FAM13B: variants seen among roughly 807,000 people sequenced by gnomAD.
FAM13B encodes the protein protein FAM13B.
Under a neutral mutation model 117.3 loss-of-function variants are expected in FAM13B, and 60 were observed. The ratio of observed to expected loss-of-function variants is 0.51; its 90% CI spans 0.42 to 0.63. FAM13B has a LOEUF of 0.63. Ranked by LOEUF, FAM13B falls within the 30% of genes least tolerant of loss-of-function variation. The pLI is 0.00. For missense variants in FAM13B, 972 were observed against 1,091.9 expected, an observed-to-expected ratio of 0.89 and a Z score of 1.55; for synonymous variants, 332 against 356.1, an observed-to-expected ratio of 0.93 and a Z score of 0.76.
chr5:138,025,314 T>TATATATATATATA (rs1491130029), intron 1 of FAM13B, among the ~76,000 whole-genome samples: 1 of 79,746 alleles, frequency 1.3e-5, no homozygotes, highest in Non-Finnish European at 3.0e-5. Context: ...TATATATGTA[T>TATATATATATATA]TTTTTTTTTT....
chr5:137,998,213 A>C (rs1168019170), intron 7 of FAM13B, among the ~76,000 whole-genome samples: 1 of 152,232 alleles, frequency 6.6e-6, no homozygotes, highest in East Asian at 1.9e-4. Context: ...TAAAGTTTTC[A>C]ACAATGATGA....
Position 137,987,468 on chromosome 5 carries a change from TA to T in FAM13B, c.1038del (p.Asn347IlefsTer29). ...CAGTAAAATGTTTCTTACTGGTTAT[TA>T]GATCCTTCCCCATCACAATGAATAC... ...AESIHCDGEGSNNQIDIADDI... is the reference protein window; with the variant it reads ...AESIHCDGEGXNNQIDIADDI... On this transcript the variant is annotated frameshift_variant, in exon 9 of 24. Transcript: ENST00000689681. LOFTEE classifies it high-confidence loss of function. 6.2e-7 allele frequency: 1 copy of T among 1,609,358 alleles called. No homozygotes were observed. The highest frequency in any genetic ancestry group is 8.5e-7 in the Non-Finnish European group (1 of 1,178,168).
At chr5:138,025,057 A>T (rs1787918417) in intron 1 of FAM13B, among the ~76,000 whole-genome samples, 1 of 151,602 alleles carries the variant, frequency 6.6e-6, no homozygotes, top group African/African-American at 2.4e-5. Flanking sequence ...ATTTTTTGGT[A>T]GAGATGGAGT....
upstream of FAM13B, chr5:138,033,837 A>G (rs1561554598): frequency 6.6e-6 from 1 of 152,188 alleles, no homozygotes; most frequent in East Asian, 1.9e-4. Context: ...GAGATCTTCC[A>G]TTTGGACTCC....
Position 137,962,424 on chromosome 5 carries a change from C to T in FAM13B, c.1225G>A (p.Glu409Lys). The T allele has an allele frequency of 1.2e-6, 2 of 1,613,762 alleles. No individual in the cohort carries two copies. Among genetic ancestry groups the T allele is most frequent in the Non-Finnish European group, 1.7e-6 (2 of 1,179,804 alleles). Reference sequence around the variant, plus strand: ...GCTTACCTCTCAAGACAGCCATCTTCACTATCACCACGGTCACTGCATGGC... The same window carrying T: ...GCTTACCTCTCAAGACAGCCATCTTTACTATCACCACGGTCACTGCATGGC... The part of the protein sequence containing the change: ...LEPCSDRGDS[E>K]DGCLEREEYL... Residue 409 changes from glutamate to lysine, a missense_variant, in exon 11 of 24, where the codon GAA becomes AAA. By Grantham distance (56) the Glu-to-Lys change is moderately conservative. Coordinates refer to ENST00000689681, the MANE Select transcript of FAM13B (RefSeq NM_001385994.1).
chr5:137,972,536 T>C (rs1772537748), intron 10 of FAM13B, among the ~76,000 whole-genome samples: 1 of 151,818 alleles, frequency 6.6e-6, no homozygotes, highest in Non-Finnish European at 1.5e-5. Flanking sequence ...AGCATTCCCT[T>C]TGAAAAATGG....
chr5:138,045,109 G>A (rs1241240623), intron 1 of FAM13B, among the ~76,000 whole-genome samples: 2 of 152,146 alleles, frequency 1.3e-5, no homozygotes, highest in Non-Finnish European at 2.9e-5. Context: ...CTGGAGATCT[G>A]TGTGCACAAA....
At chr5:137,974,648 CA>C (rs1315096021) in intron 10 of FAM13B, among the ~76,000 whole-genome samples, 1 of 147,366 alleles carries the variant, frequency 6.8e-6, no homozygotes, top group Non-Finnish European at 1.5e-5. Context: ...GAAGTGCAAC[CA>C]TACAGCATTT....
intron 10 of FAM13B, among the ~76,000 whole-genome samples, chr5:137,970,110 C>A (rs1472618970): frequency 6.6e-6 from 1 of 151,764 alleles, no homozygotes; most frequent in African/African-American, 2.4e-5. Flanking sequence ...ATACAGAGAA[C>A]GCCACAAAGA....
chr5:137,950,334 T>C (rs958925400), intron 17 of FAM13B, among the ~76,000 whole-genome samples: 1 of 152,114 alleles, frequency 6.6e-6, no homozygotes, highest in Admixed American at 6.5e-5. Flanking sequence ...AAGGATTTAG[T>C]GGAAGGGCAT....
chr5:138,037,824 TATTCTATCCCCACCA>T (rs1241112046), upstream of FAM13B, among the ~76,000 whole-genome samples: 3 of 152,156 alleles, frequency 2.0e-5, no homozygotes, highest in Non-Finnish European at 4.4e-5. Flanking sequence ...CAAAAAGATA[TATTCTATCCCCACCA>T]ATTCTATCAC....
chr5:137,960,342 A>T (rs901580240), intron 11 of FAM13B, 128 bp from the exon 12 acceptor site: 1 of 514,174 alleles, frequency 1.9e-6, no homozygotes, highest in Non-Finnish European at 3.4e-6. Flanking sequence ...GAAAATGCCA[A>T]CTGGACACAT....
At chr5:137,980,678 G>A (rs907916883) in intron 10 of FAM13B, among the ~76,000 whole-genome samples, 3 of 151,964 alleles carry the variant, frequency 2.0e-5, no homozygotes, top group Non-Finnish European at 4.4e-5. Context: ...GGGCTCAAGC[G>A]ATCCACCTGC....
intron 7 of FAM13B, among the ~76,000 whole-genome samples, chr5:137,993,701 C>T (rs982464220): frequency 7.2e-5 from 11 of 151,952 alleles, no homozygotes; most frequent in Admixed American, 5.3e-4. Flanking sequence ...GCAGGAGAAT[C>T]GCTTGAACCC....
intron 10 of FAM13B, among the ~76,000 whole-genome samples, chr5:137,972,992 A>G (rs534427050): frequency 6.6e-6 from 1 of 152,132 alleles, no homozygotes; most frequent in South Asian, 2.1e-4. Context: ...TTCCATGCTC[A>G]TGGGTAGGAA....
intron 10 of FAM13B, among the ~76,000 whole-genome samples, chr5:137,966,134 G>C (rs1484856732): frequency 6.6e-6 from 1 of 151,654 alleles, no homozygotes; most frequent in African/African-American, 2.4e-5. Context: ...AAACCTACTA[G>C]ATAAGCTTAT....
At chr5:137,996,694 C>T (rs1779947381) in intron 7 of FAM13B, among the ~76,000 whole-genome samples, 4 of 151,998 alleles carry the variant, frequency 2.6e-5, no homozygotes, top group South Asian at 4.2e-4. Context: ...CGCGTTCAAG[C>T]GATTCTCCTG....
intron 1 of FAM13B, among the ~76,000 whole-genome samples, chr5:138,027,550 A>G (rs1561546601): frequency 6.6e-6 from 1 of 152,234 alleles, no homozygotes; most frequent in Non-Finnish European, 1.5e-5. Context: ...AGTATGGTAC[A>G]ACAAAAGTGG....
chr5:137,986,433 C>G (rs968489753), intron 9 of FAM13B, among the ~76,000 whole-genome samples: 35 of 54,528 alleles, frequency 6.4e-4, no homozygotes, highest in Admixed American at 4.1e-3. Context: ...TCTTCCCCCC[C>G]CCAAAAAAAA....
Sources: allele counts gnomAD v4.1 joint callset (sites outside exome capture counted in the v4.1 genomes callset), GRCh38; gene constraint gnomAD v4.1.1; transcripts MANE v1.5; gene names NCBI Gene and HGNC (gene_info 2026-07-23, HGNC 2026-07-21).